The following DSE variants were observed in gnomAD, a reference collection of about 807,000 sequenced individuals.
The protein encoded by DSE is dermatan sulfate epimerase.
A neutral mutation model predicts 84.4 loss-of-function variants in DSE; 36 were observed. The ratio of observed to expected loss-of-function variants is 0.43; its 90% CI spans 0.33 to 0.56. DSE has a LOEUF of 0.56. Among genes scored for constraint, DSE ranks in the 20% least tolerant of loss-of-function variants. DSE has a pLI of 0.06. For missense variants in DSE, 862 were observed against 1,169.6 expected, an observed-to-expected ratio of 0.74 and a Z score of 3.84; for synonymous variants, 410 against 430.1, an observed-to-expected ratio of 0.95 and a Z score of 0.58.
At chr6:116,277,456 C>T (rs909662568) in intron 2 of DSE, 4 of 152,532 alleles carry the variant, frequency 2.6e-5, no homozygotes, top group African/African-American at 9.7e-5. Context: ...CCTTTCATCC[C>T]ATCTAGATGT....
chr6:116,296,542 G>A (rs1774678283), intron 2 of DSE, among the ~76,000 whole-genome samples: 1 of 152,192 alleles, frequency 6.6e-6, no homozygotes, highest in Non-Finnish European at 1.5e-5. Flanking sequence ...CTGGGGCTAA[G>A]GTTTTGTGTG....
At chr6:116,274,235 T>C (rs918962952) in intron 2 of DSE, among the ~76,000 whole-genome samples, 11 of 152,136 alleles carry the variant, frequency 7.2e-5, no homozygotes, top group Admixed American at 6.5e-4. Flanking sequence ...ACTGAAAATA[T>C]TTTCTGAACA....
At chr6:116,352,174 C>T (rs1778345714) in intron 2 of DSE, among the ~76,000 whole-genome samples, 1 of 152,134 alleles carries the variant, frequency 6.6e-6, no homozygotes, top group Admixed American at 6.6e-5. Flanking sequence ...CTAGCTATAA[C>T]ATTTCTTGAT....
intron 2 of DSE, among the ~76,000 whole-genome samples, chr6:116,406,842 C>T (rs909482691): frequency 2.0e-5 from 3 of 152,118 alleles, no homozygotes; most frequent in East Asian, 3.8e-4. Context: ...ATACCATAGT[C>T]GGGGGCCAGA....
At chr6:116,274,126 G>C (rs4946151) in intron 2 of DSE, among the ~76,000 whole-genome samples, 42,816 of 151,608 alleles carry the variant, frequency 0.28, 7,294 homozygotes, top group East Asian at 0.68. Context: ...CACCCTGCCC[G>C]GCTGCTTTTT....
At chr6:116,395,022 A>G (rs1781149564) in intron 1 of DSE, among the ~76,000 whole-genome samples, 1 of 152,252 alleles carries the variant, frequency 6.6e-6, no homozygotes, top group Non-Finnish European at 1.5e-5. Context: ...TAGGGGGTGA[A>G]TAGCTTGAGA....
At chr6:116,365,488 C>T (rs766219266), upstream of DSE, among the ~76,000 whole-genome samples, 5 of 150,894 alleles carry the variant, frequency 3.3e-5, no homozygotes, top group Non-Finnish European at 5.9e-5. Flanking sequence ...CTCCTGACCT[C>T]GTGATCTGCC....
chr6:116,287,852 A>G (rs775230973), intron 2 of DSE, among the ~76,000 whole-genome samples: 10 of 152,118 alleles, frequency 6.6e-5, no homozygotes, highest in Non-Finnish European at 1.0e-4. Flanking sequence ...ACTGCTAGGC[A>G]TGTCATTCCT....
intron 2 of DSE, among the ~76,000 whole-genome samples, chr6:116,300,249 C>A (rs1336178326): frequency 6.6e-6 from 1 of 152,148 alleles, no homozygotes; most frequent in Non-Finnish European, 1.5e-5. Context: ...AGAGTCATGT[C>A]CGAATAGTAA....
intron 2 of DSE, among the ~76,000 whole-genome samples, chr6:116,332,549 TTAGGA>T (rs1240401841): frequency 6.6e-6 from 1 of 152,084 alleles, no homozygotes; most frequent in East Asian, 1.9e-4. Flanking sequence ...TCTGTGATAA[TTAGGA>T]TAGTACAGTA....
chr6:116,332,850 T>C (rs1777033445), intron 2 of DSE, among the ~76,000 whole-genome samples: 1 of 152,010 alleles, frequency 6.6e-6, no homozygotes, highest in Admixed American at 6.6e-5. Context: ...AAAAATCCAA[T>C]GAAAAATGGA....
intron 2 of DSE, among the ~76,000 whole-genome samples, chr6:116,411,432 G>A (rs1167507863): frequency 6.6e-6 from 1 of 152,222 alleles, no homozygotes. Context: ...ACATTGTGCA[G>A]GCTGCACTCT....
chr6:116,379,041 T>C (rs910044825), intron 1 of DSE, among the ~76,000 whole-genome samples: 1 of 152,204 alleles, frequency 6.6e-6, no homozygotes, highest in African/African-American at 2.4e-5. Flanking sequence ...ATGCTAACTT[T>C]ATTTTATTTT....
intron 2 of DSE, among the ~76,000 whole-genome samples, chr6:116,422,803 T>C (rs771320914): frequency 6.6e-6 from 1 of 152,228 alleles, no homozygotes; most frequent in Non-Finnish European, 1.5e-5. Context: ...ATACTGCTTT[T>C]GTACCATCAG....
At chr6:116,272,403 C>G (rs564513349) in intron 2 of DSE, among the ~76,000 whole-genome samples, 22 of 152,188 alleles carry the variant, frequency 1.4e-4, no homozygotes, top group African/African-American at 5.3e-4. Context: ...AAATCATTTC[C>G]TTTTTTGGCA....
At chr6:116,330,656 C>T (rs913014255) in intron 2 of DSE, among the ~76,000 whole-genome samples, 1 of 152,144 alleles carries the variant, frequency 6.6e-6, no homozygotes, top group Non-Finnish European at 1.5e-5. Flanking sequence ...TAAATCTCAA[C>T]ATGATGAAAT....
upstream of DSE, chr6:116,369,889 C>A (rs1004832162): frequency 7.8e-7 from 1 of 1,288,874 alleles, no homozygotes; most frequent in East Asian, 5.5e-5. Context: ...TGGAGAAAAG[C>A]ACTGCTCCCA....
chr6:116,389,638 C>G (rs1780769619), intron 1 of DSE, among the ~76,000 whole-genome samples: 1 of 152,110 alleles, frequency 6.6e-6, no homozygotes, highest in Non-Finnish European at 1.5e-5. Flanking sequence ...TTTAGTTTAA[C>G]TGTTATTTGA....
chr6:116,409,336 G>T (rs1420304642), intron 2 of DSE, among the ~76,000 whole-genome samples: 1 of 152,176 alleles, frequency 6.6e-6, no homozygotes, highest in Non-Finnish European at 1.5e-5. Flanking sequence ...GAGTGCAGTG[G>T]TGTGATCTTG....
Sources: allele counts gnomAD v4.1 joint callset (sites outside exome capture counted in the v4.1 genomes callset), GRCh38; gene constraint gnomAD v4.1.1; transcripts MANE v1.5; gene names NCBI Gene and HGNC (gene_info 2026-07-23, HGNC 2026-07-21).